LY86: variants seen among roughly 807,000 people sequenced by gnomAD.
LY86 encodes the protein MD-1, RP105-associated.
A neutral mutation model predicts 17.3 loss-of-function variants in LY86; 20 were observed. The ratio of observed to expected loss-of-function variants is 1.15; its 90% confidence interval spans 0.81 to 1.68. LY86 has a LOEUF of 1.68. Ranked by LOEUF, LY86 falls within the 40% of genes most tolerant of loss-of-function variation. The probability of loss-of-function intolerance (pLI) is 0.00; values close to 1 mark genes in which losing one functional copy is unlikely to be tolerated. For missense variants in LY86, 200 were observed against 191.9 expected (o/e 1.04, Z -0.25); for synonymous variants, 74 against 70.6 (o/e 1.05, Z -0.24).
At chr6:6,600,612 A>T (rs1355240418) in intron 1 of LY86, among the ~76,000 whole-genome samples, 14 of 145,356 alleles carry the variant, frequency 9.6e-5, no homozygotes, top group African/African-American at 3.6e-4. Flanking sequence ...AAAAAAAAAA[A>T]AAAAAAAAAA....
intron 3 of LY86, among the ~76,000 whole-genome samples, chr6:6,644,294 T>A (rs146970288): frequency 1.3e-5 from 2 of 152,118 alleles, no homozygotes; most frequent in Non-Finnish European, 2.9e-5. Flanking sequence ...GAGGCCAAGG[T>A]GGGTGAATCA....
At chr6:6,613,467 C>G (rs550802280) in intron 1 of LY86, among the ~76,000 whole-genome samples, 1 of 152,188 alleles carries the variant, frequency 6.6e-6, no homozygotes, top group Non-Finnish European at 1.5e-5. Context: ...GGTGAGAAAT[C>G]GAGCACAGCA....
At chr6:6,611,014 A>T (rs958916904) in intron 1 of LY86, among the ~76,000 whole-genome samples, 2 of 152,202 alleles carry the variant, frequency 1.3e-5, no homozygotes, top group African/African-American at 4.8e-5. Flanking sequence ...AAAGAAAATT[A>T]TCTTGTTTTT....
rs766957127 is a variant in LY86, at chr6:6,588,727, C to T, written c.-8C>T. 3.1e-6 allele frequency: 5 copies of T among 1,613,670 alleles called. No homozygotes were observed. In the African/African-American group the frequency reaches 6.7e-5, roughly 22 times the overall value. ...TATTTTTCTGTGTGTCCCATACAGG[C>T]CCCCACCATGAAGGGTTTCACAGCC... On this transcript the variant is annotated 5_prime_UTR_variant, in exon 1 of 5. Coordinates refer to ENST00000230568, the MANE Select transcript of LY86 (RefSeq NM_004271.4).
chr6:6,606,829 G>A (rs953279674), intron 1 of LY86, among the ~76,000 whole-genome samples: 2 of 152,262 alleles, frequency 1.3e-5, no homozygotes, highest in Non-Finnish European at 2.9e-5. Context: ...CCCGCAAGCT[G>A]AGGGAGCGGG....
intron 3 of LY86, among the ~76,000 whole-genome samples, chr6:6,642,113 C>T (rs946763900): frequency 2.6e-5 from 4 of 152,224 alleles, no homozygotes; most frequent in African/African-American, 9.6e-5. Context: ...CTCCAGCAGC[C>T]GGGATTCCAC....
intron 1 of LY86, among the ~76,000 whole-genome samples, chr6:6,612,360 G>A (rs532003357): frequency 1.8e-4 from 28 of 152,320 alleles, no homozygotes; most frequent in African/African-American, 5.5e-4. Flanking sequence ...TTCTTAAGGT[G>A]ATACATTTGG....
In LY86 at chr6:6,649,665, T is replaced by C; in HGVS notation, c.393T>C (p.Phe131=). The change falls in exon 4 of 5, where the codon TTT becomes TTC. Residue 131 remains phenylalanine (F), a synonymous_variant. Coordinates refer to ENST00000230568, the MANE Select transcript of LY86 (RefSeq NM_004271.4). ...CTGGGCCTGTCAATAATCCTGAATT[T>C]ACTATTCCTCAGGTAAGATATTACT... The part of the protein sequence containing the change: ...YYAGPVNNPE[F]TIPQGEYQVL... The C allele has an allele frequency of 6.4e-7, 1 of 1,571,444 alleles. No homozygotes were observed. The highest frequency in any genetic ancestry group is 1.1e-5 in the South Asian group (1 of 89,050).
Position 6,632,103 on chromosome 6 carries a change from A to T in LY86, c.352+5682A>T, listed in dbSNP as rs529252960. Reference sequence around the variant, plus strand: ...GTGGACACTTGACCTGAGCTGCAGCATAAATTCAGATCCAGGACACCAAGG... The same window carrying T: ...GTGGACACTTGACCTGAGCTGCAGCTTAAATTCAGATCCAGGACACCAAGG... On this transcript the variant is annotated intron_variant, in intron 3 of 4. Coordinates refer to ENST00000230568, the MANE Select transcript of LY86 (RefSeq NM_004271.4). Among the ~76,000 whole-genome samples, 4 of 152,356 alleles carry T rather than the reference A, an allele frequency of 2.6e-5. No homozygotes were observed. The South Asian group carries it at 8.3e-4, about 32-fold the overall frequency.
At chr6:6,628,517 C>T (rs1174712066) in intron 3 of LY86, among the ~76,000 whole-genome samples, 1 of 152,010 alleles carries the variant, frequency 6.6e-6, no homozygotes, top group Non-Finnish European at 1.5e-5. Flanking sequence ...CCAGACCTAG[C>T]TCAAGTATCC....
At chr6:6,589,360 G>A (rs772436767) in intron 1 of LY86, among the ~76,000 whole-genome samples, 1 of 152,202 alleles carries the variant, frequency 6.6e-6, no homozygotes, top group Non-Finnish European at 1.5e-5. Flanking sequence ...TTTCACTGCA[G>A]CAGTAGCTCT....
At chr6:6,648,006 C>T (rs1050494722) in intron 3 of LY86, among the ~76,000 whole-genome samples, 5 of 135,682 alleles carry the variant, frequency 3.7e-5, no homozygotes, top group Non-Finnish European at 8.0e-5. Context: ...CACACACACA[C>T]ACACACTTCC....
At position 6,604,138 on chromosome 6, in the gene LY86, G is replaced by A. The variant is rs1382809849; in HGVS notation, c.136+15268G>A. ...AGAAGGAAATATTAATTATCTCTAT[G>A]GGGTCATATACCCTCAATTCACATT... On this transcript the variant is annotated intron_variant, in intron 1 of 4. Transcript: ENST00000230568. Among the ~76,000 whole-genome samples, 4 of 152,070 alleles carry A rather than the reference G, an allele frequency of 2.6e-5. No individual in the cohort carries two copies. In the East Asian group the frequency reaches 5.8e-4, roughly 22 times the overall value.
At chr6:6,597,176 G>C (rs1336239897) in intron 1 of LY86, among the ~76,000 whole-genome samples, 4 of 152,204 alleles carry the variant, frequency 2.6e-5, no homozygotes, top group African/African-American at 9.7e-5. Flanking sequence ...GCCCGCAGGA[G>C]GGGGAGTGTG....
intron 1 of LY86, among the ~76,000 whole-genome samples, chr6:6,622,473 A>G (rs1282541969): frequency 6.6e-6 from 1 of 152,076 alleles, no homozygotes; most frequent in Non-Finnish European, 1.5e-5. Flanking sequence ...ATCGTCTCCA[A>G]CCCCCTGCTC....
chr6:6,610,805 C>T (rs1056077731), intron 1 of LY86, among the ~76,000 whole-genome samples: 2 of 152,076 alleles, frequency 1.3e-5, no homozygotes, highest in South Asian at 2.1e-4. Context: ...ACAACATGAG[C>T]GATGTTCAGC....
At chr6:6,648,349 C>A (rs1241473218) in intron 3 of LY86, among the ~76,000 whole-genome samples, 11 of 152,180 alleles carry the variant, frequency 7.2e-5, no homozygotes, top group African/African-American at 2.4e-4. Flanking sequence ...CTACCATTTC[C>A]TGCAGGTCCT....
chr6:6,622,267 T>C, intron 1 of LY86, among the ~76,000 whole-genome samples: 1 of 152,248 alleles, frequency 6.6e-6, no homozygotes, highest in East Asian at 1.9e-4. Flanking sequence ...TTTCTATCTA[T>C]ACCTTTAAAA....
chr6:6,607,938 T>C (rs1438436113), intron 1 of LY86, among the ~76,000 whole-genome samples: 1 of 152,128 alleles, frequency 6.6e-6, no homozygotes, highest in African/African-American at 2.4e-5. Flanking sequence ...GAAGCCCTAA[T>C]AGATATAAAT....
Sources: gnomAD v4.1 joint callset for allele counts (sites outside exome capture counted in the v4.1 genomes callset) on GRCh38, gnomAD v4.1.1 for gene constraint, MANE v1.5 for transcripts, NCBI Gene and HGNC (gene_info 2026-07-23, HGNC 2026-07-21) for gene names.